NEDD4L: variants seen among roughly 807,000 people sequenced by gnomAD.
NEDD4L encodes E3 ubiquitin-protein ligase NEDD4-like.
A neutral mutation model predicts 148.9 loss-of-function variants in NEDD4L; 54 were observed. The observed-to-expected ratio is 0.36, with a 90% CI of 0.29 to 0.45. The LOEUF (loss-of-function observed/expected upper bound fraction) is 0.45, where lower values mean the gene tolerates loss of function less well. Among genes scored for constraint, NEDD4L ranks in the 20% least tolerant of loss-of-function variants. NEDD4L has a pLI of 1.00. For synonymous variants in NEDD4L, 433 were observed against 440.7 expected (o/e 0.98, Z 0.22); for missense variants, 856 against 1,233.8 (o/e 0.69, Z 4.59).
intron 1 of NEDD4L, among the ~76,000 whole-genome samples, chr18:58,141,148 C>T (rs914250436): frequency 2.0e-5 from 3 of 152,186 alleles, no homozygotes; most frequent in African/African-American, 7.2e-5. Context: ...CACGGGGTGG[C>T]TGCCCTGGTT....
At chr18:58,373,917 C>T (rs1016367929) in intron 24 of NEDD4L, among the ~76,000 whole-genome samples, 50 of 152,190 alleles carry the variant, frequency 3.3e-4, no homozygotes, top group African/African-American at 1.2e-3. Context: ...AATTCTGAAG[C>T]CTTTGCTTCA....
chr18:58,394,917 AAC>A (rs758769159), intron 30 of NEDD4L, among the ~76,000 whole-genome samples: 78 of 152,316 alleles, frequency 5.1e-4, no homozygotes, highest in Non-Finnish European at 1.1e-3. Flanking sequence ...GGCGGTTTTA[AAC>A]ACAGTTTGAG....
chr18:58,256,035 C>A lies in NEDD4L; in HGVS notation c.297+3981C>A. 3 of 1,229,926 alleles carry A rather than the reference C, an allele frequency of 2.4e-6. No individual in the cohort carries two copies. The allele number at this position is 1,229,926 out of a possible 1,614,324, so 76.2% of individuals were successfully genotyped here. ...CCCAGGGACCAGGCCTCCGCCACTG[C>A]CACCACGAGGGCCTCGCCCCAGAGT... On this transcript the variant is annotated intron_variant, in intron 5 of 30. Transcript: ENST00000400345. The surrounding 1 kb of genome is among the most constrained non-coding windows in gnomAD (Gnocchi z 5.2).
intron 26 of NEDD4L, among the ~76,000 whole-genome samples, chr18:58,386,726 T>A (rs1324825527): frequency 6.6e-6 from 1 of 152,174 alleles, no homozygotes; most frequent in African/African-American, 2.4e-5. Context: ...AGAGCTCTCG[T>A]GGGGTGATGC....
At chr18:58,116,614 A>T in intron 1 of NEDD4L, among the ~76,000 whole-genome samples, 1 of 152,266 alleles carries the variant, frequency 6.6e-6, no homozygotes, top group Non-Finnish European at 1.5e-5. Context: ...CAGTAAGTAC[A>T]GTTCACCAGA....
chr18:58,370,565 G>T, intron 23 of NEDD4L, 98 bp downstream of exon 23: 1 of 774,684 alleles, frequency 1.3e-6, no homozygotes, highest in Non-Finnish European at 2.3e-6. Flanking sequence ...CACTTTTATG[G>T]GTGTTGCATT....
chr18:58,235,604 C>T (rs1012059773), intron 2 of NEDD4L, among the ~76,000 whole-genome samples: 4 of 152,146 alleles, frequency 2.6e-5, no homozygotes, highest in African/African-American at 4.8e-5. Context: ...AGACACAGCT[C>T]GGTGTTGCCT....
chr18:58,221,214 A>AAG (rs1467653867), intron 2 of NEDD4L, among the ~76,000 whole-genome samples: 3 of 152,216 alleles, frequency 2.0e-5, no homozygotes, highest in Non-Finnish European at 4.4e-5. Flanking sequence ...TGGCAGGGTG[A>AAG]AGGGCTGACC....
chr18:58,346,362 C>G (rs2043074587), intron 16 of NEDD4L, among the ~76,000 whole-genome samples: 1 of 152,186 alleles, frequency 6.6e-6, no homozygotes, highest in Non-Finnish European at 1.5e-5. Context: ...AGTATAACTG[C>G]AAATATTTTG....
intron 12 of NEDD4L, 50 bp from the exon 13 acceptor site, chr18:58,335,428 A>G: frequency 1.3e-6 from 2 of 1,485,456 alleles, no homozygotes; most frequent in Non-Finnish European, 1.9e-6. Flanking sequence ...TTCAGACAGC[A>G]GGGGGTCATC....
At chr18:58,225,722 G>C (rs2044276913) in intron 2 of NEDD4L, among the ~76,000 whole-genome samples, 1 of 152,122 alleles carries the variant, frequency 6.6e-6, no homozygotes, top group Non-Finnish European at 1.5e-5. Flanking sequence ...ATTAGGTCCG[G>C]AGCCAGTGGC....
chr18:58,336,914 C>T (rs1273157140), intron 13 of NEDD4L, among the ~76,000 whole-genome samples: 1 of 152,166 alleles, frequency 6.6e-6, no homozygotes, highest in Non-Finnish European at 1.5e-5. Context: ...GGGACAAGAT[C>T]GTTTTGTGAG....
chr18:58,204,918 GAAAAAATAGATC>G (rs1443293235), intron 2 of NEDD4L, among the ~76,000 whole-genome samples: 2 of 152,136 alleles, frequency 1.3e-5, no homozygotes, highest in African/African-American at 4.8e-5. Context: ...TGAAGAAAGG[GAAAAAATAGATC>G]AAAAAATGGC....
rs11364816 is a variant in NEDD4L, at chr18:58,203,614, CTTT to C, written c.122+37764_122+37766del. On this transcript the variant is annotated intron_variant, in intron 2 of 30. Coordinates refer to ENST00000400345, the MANE Select transcript of NEDD4L (RefSeq NM_001144967.3). ...CTTTTTATACAAAGAAACAGATGAT[CTTT>C]TTTTTTTTTTCTAAACTATGTTAGC... is the stretch of plus-strand genomic sequence containing the variant. Among the ~76,000 whole-genome samples, 96 of 143,264 alleles carry C rather than the reference CTTT, an allele frequency of 6.7e-4. 2 individuals are homozygous for C. The South Asian group carries it at 0.012, about 18-fold the overall frequency. 94.0% of individuals were successfully genotyped at this position (143,264 alleles called of 152,430 possible). A position where few individuals can be genotyped will look rare whatever the true frequency, so the allele number is the denominator to read the frequency against.
At chr18:58,378,546 C>T (rs990956028) in intron 24 of NEDD4L, among the ~76,000 whole-genome samples, 5 of 152,168 alleles carry the variant, frequency 3.3e-5, no homozygotes, top group East Asian at 3.9e-4. Flanking sequence ...CCTGGGGAGA[C>T]GGGAAGTGGG....
intron 1 of NEDD4L, among the ~76,000 whole-genome samples, chr18:58,086,112 A>G (rs1415865736): frequency 1.3e-5 from 2 of 152,114 alleles, no homozygotes; most frequent in African/African-American, 4.8e-5. Context: ...TTGACTTTTA[A>G]TCCTTTAAAA....
intron 1 of NEDD4L, among the ~76,000 whole-genome samples, chr18:58,157,243 AAT>A (rs2035619286): frequency 6.6e-6 from 1 of 152,006 alleles, no homozygotes; most frequent in Non-Finnish European, 1.5e-5. Flanking sequence ...ATTCCTAAGT[AAT>A]TCTTTTTGTG....
chr18:58,380,841 AC>A (rs1222064973), intron 24 of NEDD4L, among the ~76,000 whole-genome samples: 8 of 152,214 alleles, frequency 5.3e-5, no homozygotes, highest in Admixed American at 3.9e-4. Context: ...CAGCAAACTA[AC>A]ACAGAAACAG....
chr18:58,272,995 C>T (rs939596661), intron 5 of NEDD4L, among the ~76,000 whole-genome samples: 1 of 152,220 alleles, frequency 6.6e-6, no homozygotes, highest in African/African-American at 2.4e-5. Context: ...AAGGAAACCC[C>T]CAACTCAGGA....
Sources: allele counts gnomAD v4.1 joint callset (sites outside exome capture counted in the v4.1 genomes callset), GRCh38; gene constraint gnomAD v4.1.1; non-coding constraint Gnocchi (gnomAD v3.1); transcripts MANE v1.5; gene names NCBI Gene and HGNC (gene_info 2026-07-23, HGNC 2026-07-21).